The following BCKDHB variants were observed in gnomAD, a reference collection of about 807,000 sequenced individuals.
BCKDHB encodes the protein branched chain keto acid dehydrogenase E1 subunit beta.
BCKDHB carries 41 observed loss-of-function variants against 48.5 expected under a neutral mutation model. The ratio of observed to expected loss-of-function variants is 0.85; its 90% CI spans 0.66 to 1.10. The LOEUF (loss-of-function observed/expected upper bound fraction) is 1.10, where lower values mean the gene tolerates loss of function less well. BCKDHB is among the 50% of genes least tolerant of loss of function. BCKDHB has a pLI of 0.00. For synonymous variants in BCKDHB, 201 were observed against 174.8 expected (o/e 1.15, Z -1.18); for missense variants, 496 against 494.2 (o/e 1.00, Z -0.03).
At chr6:80,267,643 G>A (rs1387328782) in intron 8 of BCKDHB, among the ~76,000 whole-genome samples, 1 of 152,106 alleles carries the variant, frequency 6.6e-6, no homozygotes. Flanking sequence ...TCGATTAACT[G>A]ACAGGAACAT....
At chr6:80,195,381 G>A (rs903117624) in intron 6 of BCKDHB, among the ~76,000 whole-genome samples, 1 of 152,020 alleles carries the variant, frequency 6.6e-6, no homozygotes, top group Non-Finnish European at 1.5e-5. Context: ...CTTATCTCTA[G>A]CATCAGTGCT....
At chr6:80,401,320 GAA>G in the BCKDHB span, among the ~76,000 whole-genome samples, 1 of 151,786 alleles carries the variant, frequency 6.6e-6, no homozygotes, top group Non-Finnish European at 1.5e-5. Flanking sequence ...CCACATCTGT[GAA>G]ATTTTCACCA....
chr6:80,417,234 G>C, the BCKDHB span, among the ~76,000 whole-genome samples: 2 of 151,994 alleles, frequency 1.3e-5, no homozygotes, highest in Non-Finnish European at 1.5e-5. Flanking sequence ...TTCAGCCTAT[G>C]TGTGTCACTG....
chr6:80,390,672 C>A, the BCKDHB span, among the ~76,000 whole-genome samples: 3 of 152,092 alleles, frequency 2.0e-5, no homozygotes, highest in African/African-American at 4.8e-5. Context: ...ATGTTAGGCA[C>A]AATTATGACC....
At chr6:80,448,705 T>C in the BCKDHB span, among the ~76,000 whole-genome samples, 196 of 152,296 alleles carry the variant, frequency 1.3e-3, 2 homozygotes, top group African/African-American at 4.5e-3. Flanking sequence ...TATTGAATAA[T>C]TATCAACATG....
chr6:80,339,561 A>G (rs562245485), intron 9 of BCKDHB, among the ~76,000 whole-genome samples: 1 of 152,334 alleles, frequency 6.6e-6, no homozygotes, highest in Middle Eastern at 3.4e-3. Context: ...AGCAATCCAG[A>G]TGGCTAATAT....
At chr6:80,256,153 C>CTCTCTTAA (rs1554202873) in intron 8 of BCKDHB, among the ~76,000 whole-genome samples, 1 of 152,120 alleles carries the variant, frequency 6.6e-6, no homozygotes, top group Non-Finnish European at 1.5e-5. Flanking sequence ...ATTTAACTTC[C>CTCTCTTAA]TCTCTTAATG....
the BCKDHB span, among the ~76,000 whole-genome samples, chr6:80,369,448 TAAAG>T: frequency 1.3e-5 from 2 of 152,180 alleles, no homozygotes; most frequent in African/African-American, 4.8e-5. Context: ...ACAGAACTAA[TAAAG>T]AAAGATGGGG....
intron 9 of BCKDHB, among the ~76,000 whole-genome samples, chr6:80,338,105 C>T (rs1209101774): frequency 6.6e-6 from 1 of 152,068 alleles, no homozygotes; most frequent in Non-Finnish European, 1.5e-5. Flanking sequence ...GCCAACTTTC[C>T]GTCAGAAGAA....
chr6:80,175,998 C>G (rs1231753091), intron 6 of BCKDHB, among the ~76,000 whole-genome samples: 1 of 152,148 alleles, frequency 6.6e-6, no homozygotes, highest in African/African-American at 2.4e-5. Flanking sequence ...AGGTCCATCT[C>G]TCACCACCTC....
Position 80,109,506 on chromosome 6 carries a change from A to T in BCKDHB, c.196+2617A>T, listed in dbSNP as rs546037295. ...GCATAGTTCAAATTTATACCCATTT[A>T]TACCCCATAATATGTATAATAGTGT... On this transcript the variant is annotated intron_variant, in intron 1 of 9. Coordinates refer to ENST00000320393, the MANE Select transcript of BCKDHB (RefSeq NM_183050.4). 2.6e-5 allele frequency among the ~76,000 whole-genome samples: 4 copies of T among 152,302 alleles called. No homozygotes were observed. In the East Asian group the frequency reaches 7.7e-4, roughly 29 times the overall value.
Position 80,141,682 on chromosome 6 carries a change from A to G in BCKDHB, c.343+12453A>G, listed in dbSNP as rs144530720. On this transcript the variant is annotated intron_variant, in intron 3 of 9. Coordinates refer to ENST00000320393, the MANE Select transcript of BCKDHB (RefSeq NM_183050.4). ...TGAACAAGGAAAAATGGGATTATAG[A>G]TAATTATTGTCAGAAAGTATAAAAT... Among the ~76,000 whole-genome samples, 264 of 152,288 alleles carry G rather than the reference A, an allele frequency of 1.7e-3. 1 individual carries two copies. Among genetic ancestry groups the G allele is most frequent in the African/African-American group, 6.0e-3 (250 of 41,576 alleles).
At chr6:80,427,510 TA>T in the BCKDHB span, among the ~76,000 whole-genome samples, 1 of 152,180 alleles carries the variant, frequency 6.6e-6, no homozygotes, top group East Asian at 1.9e-4. Context: ...AAAATAATTT[TA>T]AAAGACTTTA....
intron 9 of BCKDHB, among the ~76,000 whole-genome samples, chr6:80,299,542 G>A (rs966180573): frequency 1.3e-5 from 2 of 152,126 alleles, no homozygotes; most frequent in Admixed American, 6.5e-5. Flanking sequence ...TAAAGTGAAA[G>A]CAAGTTTATT....
At chr6:80,216,912 TG>T (rs1775198563) in intron 8 of BCKDHB, among the ~76,000 whole-genome samples, 1 of 152,172 alleles carries the variant, frequency 6.6e-6, no homozygotes, top group Non-Finnish European at 1.5e-5. Flanking sequence ...GAAACTGTGA[TG>T]TACAAAGGTT....
At chr6:80,206,709 G>T (rs1348307498) in intron 8 of BCKDHB, among the ~76,000 whole-genome samples, 1 of 151,922 alleles carries the variant, frequency 6.6e-6, no homozygotes, top group Admixed American at 6.6e-5. Context: ...CTAGTTAATA[G>T]AAAATGTCCA....
At chr6:80,377,527 G>A in the BCKDHB span, among the ~76,000 whole-genome samples, 71,269 of 151,898 alleles carry the variant, frequency 0.47, 18,145 homozygotes, top group Non-Finnish European at 0.59. Flanking sequence ...TCTTTATATA[G>A]TATGAAGTAA....
chr6:80,119,885 C>CT (rs1769913537), intron 1 of BCKDHB, among the ~76,000 whole-genome samples: 1 of 150,826 alleles, frequency 6.6e-6, no homozygotes, highest in Non-Finnish European at 1.5e-5. Context: ...TTTCATTATA[C>CT]TTTAAGTTCT....
rs755637620 is a variant in BCKDHB, at chr6:80,171,329, A to C, written c.681A>C (p.Ser227=). The C allele has an allele frequency of 1.6e-5, 26 of 1,608,990 alleles. No homozygotes were observed. In the South Asian group the frequency reaches 2.8e-4, roughly 17 times the overall value. ...TCCAGGCCAAAGGACTTCTTTTGTC[A>C]TGCATAGAGGATAAAAATCCTTGTA... ...SPFQAKGLLL[S]CIEDKNPCIF... Residue 227 remains serine, a synonymous_variant, in exon 6 of 10, where the codon TCA becomes TCC. Transcript: ENST00000320393.
Sources: gnomAD v4.1 joint callset for allele counts (sites outside exome capture counted in the v4.1 genomes callset) on GRCh38, gnomAD v4.1.1 for gene constraint, MANE v1.5 for transcripts, NCBI Gene and HGNC (gene_info 2026-07-23, HGNC 2026-07-21) for gene names.